Variants in MACROD2 observed in about 807,000 individuals in gnomAD.
MACROD2 encodes ADP-ribose glycohydrolase MACROD2.
Under a neutral mutation model 70.4 loss-of-function variants are expected in MACROD2, and 36 were observed. The observed-to-expected ratio is 0.51, with a 90% CI of 0.39 to 0.68. The LOEUF is 0.68. Among genes scored for constraint, MACROD2 ranks in the 30% least tolerant of loss-of-function variants. The pLI is 0.00. For missense variants in MACROD2, 496 were observed against 538.4 expected, an observed-to-expected ratio of 0.92 and a Z score of 0.78; for synonymous variants, 172 against 178.8, an observed-to-expected ratio of 0.96 and a Z score of 0.30.
intron 2 of MACROD2, among the ~76,000 whole-genome samples, chr20:14,043,595 T>C (rs1415488135): frequency 6.6e-6 from 1 of 152,222 alleles, no homozygotes; most frequent in African/African-American, 2.4e-5. Flanking sequence ...ACTTATAGAC[T>C]GAGTGGGAAA....
At chr20:15,357,798 C>CTTTT (rs200860242) in intron 6 of MACROD2, among the ~76,000 whole-genome samples, 171 of 135,586 alleles carry the variant, frequency 1.3e-3, no homozygotes, top group Non-Finnish European at 2.1e-3. Context: ...TTCATTCATT[C>CTTTT]TTTTTTTTTT....
rs1298851498 is a variant in MACROD2, at chr20:14,714,004, A to C, written c.418+29045A>C. Reference sequence around the variant, plus strand: ...GTGTAAAGAAGAGCAGGACAGCAGGAGGCTGGGTTGAAGGACATAAACAAC... The same window carrying C: ...GTGTAAAGAAGAGCAGGACAGCAGGCGGCTGGGTTGAAGGACATAAACAAC... On this transcript the variant is annotated intron_variant, in intron 5 of 17. Coordinates refer to ENST00000684519, the MANE Select transcript of MACROD2 (RefSeq NM_001351661.2). 3.9e-5 allele frequency among the ~76,000 whole-genome samples: 6 copies of C among 152,124 alleles called. No individual in the cohort carries two copies. In the East Asian group the frequency reaches 1.2e-3, roughly 29 times the overall value.
intron 8 of MACROD2, among the ~76,000 whole-genome samples, chr20:15,585,844 T>C (rs939341227): frequency 6.6e-6 from 1 of 152,114 alleles, no homozygotes; most frequent in African/African-American, 2.4e-5. Flanking sequence ...TCTCAGGGTG[T>C]GCTTCTGGGA....
chr20:14,385,555 A>T (rs1033122394), intron 3 of MACROD2, among the ~76,000 whole-genome samples: 2 of 152,200 alleles, frequency 1.3e-5, no homozygotes, highest in Non-Finnish European at 2.9e-5. Context: ...AAGTAAACAT[A>T]AAAGAACTTT....
intron 5 of MACROD2, among the ~76,000 whole-genome samples, chr20:15,201,094 A>G (rs1437254552): frequency 6.6e-6 from 1 of 152,168 alleles, no homozygotes; most frequent in Non-Finnish European, 1.5e-5. Flanking sequence ...TAATTTGGGT[A>G]GCTTTAATTT....
rs2067290701 is a variant in MACROD2 at position 16,040,284 on chromosome 20, T to G, written c.1154-917T>G. Among the ~76,000 whole-genome samples, 10 of 151,934 alleles carry G rather than the reference T, an allele frequency of 6.6e-5. No homozygotes were observed. In the South Asian group the frequency reaches 2.1e-3, roughly 32 times the overall value. On this transcript the variant is annotated intron_variant, in intron 15 of 17. Coordinates refer to ENST00000684519, the MANE Select transcript of MACROD2 (RefSeq NM_001351661.2). Reference sequence around the variant, plus strand: ...CTTTGTAGACATTATAAACTGGATCTTTCCTGTCCTTGCTTTTTTCTCATC... The same window carrying G: ...CTTTGTAGACATTATAAACTGGATCGTTCCTGTCCTTGCTTTTTTCTCATC...
chr20:15,812,723 G>A (rs1362295003), intron 8 of MACROD2, among the ~76,000 whole-genome samples: 10 of 152,168 alleles, frequency 6.6e-5, no homozygotes, highest in African/African-American at 2.4e-4. Flanking sequence ...TAGAAACCAA[G>A]TCTCAGTGAT....
chr20:15,289,017 C>G (rs539498861), intron 6 of MACROD2, among the ~76,000 whole-genome samples: 2 of 152,132 alleles, frequency 1.3e-5, no homozygotes, highest in Non-Finnish European at 2.9e-5. Context: ...TCCAACTGTT[C>G]ACCTTAGAGT....
At chr20:15,913,470 A>T (rs910832102) in intron 10 of MACROD2, among the ~76,000 whole-genome samples, 1 of 152,168 alleles carries the variant, frequency 6.6e-6, no homozygotes. Flanking sequence ...TAAGTCTGCA[A>T]TTATTTTTTC....
chr20:15,452,383 G>A (rs2046655492), intron 7 of MACROD2, among the ~76,000 whole-genome samples: 2 of 152,022 alleles, frequency 1.3e-5, no homozygotes, highest in Non-Finnish European at 2.9e-5. Flanking sequence ...AATACTGAAA[G>A]GTGACCCAAA....
intron 8 of MACROD2, among the ~76,000 whole-genome samples, chr20:15,705,808 T>C (rs1183804210): frequency 6.6e-6 from 1 of 152,204 alleles, no homozygotes; most frequent in Non-Finnish European, 1.5e-5. Context: ...ATGTAGCTGC[T>C]TCAATTTATA....
At chr20:15,666,000 A>AG (rs2049892883) in intron 8 of MACROD2, among the ~76,000 whole-genome samples, 1 of 151,670 alleles carries the variant, frequency 6.6e-6, no homozygotes, top group Admixed American at 6.6e-5. Context: ...AAAAAAAAAA[A>AG]GTGTTAGTTA....
chr20:15,766,492 C>A (rs1286572076), intron 8 of MACROD2, among the ~76,000 whole-genome samples: 1 of 152,168 alleles, frequency 6.6e-6, no homozygotes, highest in African/African-American at 2.4e-5. Context: ...CTTATTCTCT[C>A]CTGAAGTTAA....
intron 5 of MACROD2, among the ~76,000 whole-genome samples, chr20:15,064,840 AAG>A (rs1450275971): frequency 1.3e-5 from 2 of 152,202 alleles, no homozygotes; most frequent in African/African-American, 4.8e-5. Context: ...ATGATTATTC[AAG>A]AGAGTGGTCG....
intron 8 of MACROD2, among the ~76,000 whole-genome samples, chr20:15,522,134 T>G (rs2047661445): frequency 6.6e-6 from 1 of 152,182 alleles, no homozygotes; most frequent in Non-Finnish European, 1.5e-5. Context: ...ATCAAGGTGC[T>G]TGGGATGCAC....
intron 4 of MACROD2, among the ~76,000 whole-genome samples, chr20:14,656,974 C>T (rs942955267): frequency 2.6e-5 from 4 of 152,142 alleles, no homozygotes; most frequent in Admixed American, 1.3e-4. Context: ...CTGTACATAC[C>T]TGTCATAACA....
intron 12 of MACROD2, among the ~76,000 whole-genome samples, chr20:15,960,937 G>A (rs2066051586): frequency 6.6e-6 from 1 of 152,178 alleles, no homozygotes; most frequent in Non-Finnish European, 1.5e-5. Context: ...CTAGATGTCA[G>A]AGGTGGAGAT....
Position 14,827,472 on chromosome 20 carries a change from A to G in MACROD2, c.418+142513A>G, listed in dbSNP as rs150326533. On this transcript the variant is annotated intron_variant, in intron 5 of 17. Transcript: ENST00000684519. ...ACATGGTACGTGGTTTTATTTCACAATAACTCCTAGGTAGATATTATGTCC... is the reference window on the plus strand; with the variant it reads ...ACATGGTACGTGGTTTTATTTCACAGTAACTCCTAGGTAGATATTATGTCC... Among the ~76,000 whole-genome samples the G allele has an allele frequency of 1.2e-4, 19 of 152,250 alleles. No homozygotes were observed. In the East Asian group the frequency reaches 3.3e-3, roughly 26 times the overall value.
intron 5 of MACROD2, among the ~76,000 whole-genome samples, chr20:14,752,867 A>T (rs1223885175): frequency 6.6e-6 from 1 of 152,094 alleles, no homozygotes; most frequent in African/African-American, 2.4e-5. Flanking sequence ...ACACAAGCAA[A>T]AGCCATTGTA....
Sources: gnomAD v4.1 joint callset for allele counts (sites outside exome capture counted in the v4.1 genomes callset) on GRCh38, gnomAD v4.1.1 for gene constraint, MANE v1.5 for transcripts, NCBI Gene and HGNC (gene_info 2026-07-23, HGNC 2026-07-21) for gene names.